The following PLBD1 variants were observed in gnomAD, a reference collection of about 807,000 sequenced individuals.
PLBD1 encodes lysosomal leucine aminopeptidase.
In PLBD1, 60 loss-of-function variants were observed where a neutral mutation model predicts 63.0. The observed-to-expected ratio is 0.95, with a 90% CI of 0.77 to 1.18. The LOEUF is 1.18. Ranked by LOEUF, PLBD1 falls within the 50% of genes most tolerant of loss-of-function variation. The pLI, the probability that PLBD1 is intolerant of heterozygous loss-of-function variation, is 0.00. For synonymous variants in PLBD1, 262 were observed against 248.0 expected, an observed-to-expected ratio of 1.06 and a Z score of -0.53; for missense variants, 598 against 677.9, an observed-to-expected ratio of 0.88 and a Z score of 1.31.
At chr12:14,526,892 A>G (rs1377271602) in intron 6 of PLBD1, among the ~76,000 whole-genome samples, 2 of 152,188 alleles carry the variant, frequency 1.3e-5, no homozygotes, top group Non-Finnish European at 1.5e-5. Flanking sequence ...GAATCACTTG[A>G]ACCCGGGAGG....
intron 4 of PLBD1, among the ~76,000 whole-genome samples, chr12:14,537,848 A>T (rs10846020): frequency 0.34 from 51,972 of 151,096 alleles, 9,373 homozygotes; most frequent in East Asian, 0.58. Context: ...GTCAAGATTT[A>T]AAAAAAATTA....
chr12:14,543,059 G>T (rs1449350466), intron 2 of PLBD1, among the ~76,000 whole-genome samples: 1 of 98,934 alleles, frequency 1.0e-5, no homozygotes, highest in Non-Finnish European at 2.1e-5. Context: ...ATTTTTAATT[G>T]ATTAAAATAA....
intron 1 of PLBD1, among the ~76,000 whole-genome samples, chr12:14,558,764 A>C (rs1945726264): frequency 6.6e-6 from 1 of 152,182 alleles, no homozygotes; most frequent in Non-Finnish European, 1.5e-5. Context: ...CTGAGTACTA[A>C]ACCAAGAGCT....
chr12:14,550,802 C>T (rs1044722268), intron 2 of PLBD1, among the ~76,000 whole-genome samples: 5 of 151,308 alleles, frequency 3.3e-5, no homozygotes, highest in South Asian at 2.1e-4. Context: ...CTCCTGAACC[C>T]GGGAGGCGGA....
chr12:14,567,141 CG>C (rs1360838447), intron 1 of PLBD1, among the ~76,000 whole-genome samples: 1 of 152,122 alleles, frequency 6.6e-6, no homozygotes, highest in Non-Finnish European at 1.5e-5. Context: ...CTGCCAGGCA[CG>C]TATCAAACTG....
At position 14,567,680 on chromosome 12, in the gene PLBD1, G is replaced by T; in HGVS notation, c.17C>A (p.Pro6Gln). 3 of 1,467,034 alleles carry T rather than the reference G, an allele frequency of 2.0e-6. No individual in the cohort carries two copies. Among genetic ancestry groups the T allele is most frequent in the Non-Finnish European group, 2.7e-6 (3 of 1,120,028 alleles). 90.9% of individuals were successfully genotyped at this position (1,467,034 alleles called of 1,614,324 possible). MTRGGPGGRPGLPQPP... is the reference protein window; with the variant it reads MTRGGQGGRPGLPQPP... ...CTGTGGCAGCCCCGGGCGCCCGCCC[G>T]GACCGCCGCGGGTCATCGCTCCACG... Residue 6 changes from proline (P) to glutamine (Q), a missense_variant, in exon 1 of 11, where the codon CCG (proline) becomes CAG (glutamine). By Grantham distance (76) the Pro-to-Gln change is moderately conservative (BLOSUM62 -1). Coordinates refer to ENST00000240617, the MANE Select transcript of PLBD1 (RefSeq NM_024829.6).
At chr12:14,542,611 A>G (rs1230896877) in intron 2 of PLBD1, among the ~76,000 whole-genome samples, 1 of 152,220 alleles carries the variant, frequency 6.6e-6, no homozygotes, top group African/African-American at 2.4e-5. Context: ...TCCTGATGCT[A>G]ATTGTTTTCC....
At chr12:14,561,545 C>A (rs535731575) in intron 1 of PLBD1, among the ~76,000 whole-genome samples, 1 of 152,076 alleles carries the variant, frequency 6.6e-6, no homozygotes, top group Non-Finnish European at 1.5e-5. Context: ...TACGTGGCCA[C>A]CTGGATCCCC....
At chr12:14,540,053 T>TATACACAC (rs1555147116) in intron 4 of PLBD1, among the ~76,000 whole-genome samples, 6 of 87,356 alleles carry the variant, frequency 6.9e-5, no homozygotes, top group African/African-American at 2.8e-4. Flanking sequence ...TATATATATA[T>TATACACAC]ACACACACAC....
intron 2 of PLBD1, among the ~76,000 whole-genome samples, chr12:14,551,657 G>C (rs1945660479): frequency 6.6e-6 from 1 of 151,730 alleles, no homozygotes; most frequent in Admixed American, 6.6e-5. Context: ...CAAGGGAAAC[G>C]TGCATTCTTA....
intron 8 of PLBD1, among the ~76,000 whole-genome samples, chr12:14,508,876 G>T (rs1475381842): frequency 6.6e-6 from 1 of 152,094 alleles, no homozygotes; most frequent in African/African-American, 2.4e-5. Context: ...TTTCAGAGAG[G>T]TCAATTGTCT....
chr12:14,557,926 C>A (rs1592010505), intron 1 of PLBD1, among the ~76,000 whole-genome samples: 1 of 151,846 alleles, frequency 6.6e-6, no homozygotes, highest in Non-Finnish European at 1.5e-5. Context: ...AAGACACTTG[C>A]ATACGTATGT....
intron 2 of PLBD1, among the ~76,000 whole-genome samples, chr12:14,549,532 C>T (rs1945640526): frequency 1.3e-5 from 2 of 152,148 alleles, no homozygotes; most frequent in Non-Finnish European, 2.9e-5. Context: ...TAAGAAACCT[C>T]GGGCACTCTG....
chr12:14,508,987 C>T (rs1197516164), intron 8 of PLBD1, among the ~76,000 whole-genome samples: 1 of 140,992 alleles, frequency 7.1e-6, no homozygotes. Context: ...AGGAGATGTG[C>T]CCACCCCCGA....
At chr12:14,557,315 T>C (rs980821401) in intron 1 of PLBD1, among the ~76,000 whole-genome samples, 1 of 152,098 alleles carries the variant, frequency 6.6e-6, no homozygotes, top group Non-Finnish European at 1.5e-5. Context: ...ACTGGGCATA[T>C]ACTCAAAGGA....
chr12:14,546,587 T>G (rs1945618506), intron 2 of PLBD1, among the ~76,000 whole-genome samples: 1 of 152,120 alleles, frequency 6.6e-6, no homozygotes, highest in Non-Finnish European at 1.5e-5. Flanking sequence ...TCTAGAGACA[T>G]TTTTGGTTGT....
At chr12:14,536,160 A>T in intron 5 of PLBD1, 1 of 250,740 alleles carries the variant, frequency 4.0e-6, no homozygotes, top group South Asian at 5.8e-5. Context: ...TTAACCAGGC[A>T]TGGTGGCACA....
intron 6 of PLBD1, among the ~76,000 whole-genome samples, chr12:14,529,531 C>A (rs376037498): frequency 6.4e-4 from 98 of 152,084 alleles, no homozygotes; most frequent in South Asian, 1.0e-3. Context: ...TTCATATGAT[C>A]TTTTCAACAA....
chr12:14,567,167 G>C (rs879675722), intron 1 of PLBD1, among the ~76,000 whole-genome samples: 7 of 152,106 alleles, frequency 4.6e-5, no homozygotes, highest in Non-Finnish European at 8.8e-5. Context: ...TCGTGCAATC[G>C]TGATTTTAAG....
Sources: allele counts gnomAD v4.1 joint callset (sites outside exome capture counted in the v4.1 genomes callset), GRCh38; gene constraint gnomAD v4.1.1; transcripts MANE v1.5; gene names NCBI Gene and HGNC (gene_info 2026-07-23, HGNC 2026-07-21).